The following ABCA12 variants were observed in gnomAD, a reference collection of about 807,000 sequenced individuals.
The protein encoded by ABCA12 is glucosylceramide transporter ABCA12.
Under a neutral mutation model 293.5 loss-of-function variants are expected in ABCA12, and 156 were observed. That is an observed-to-expected ratio of 0.53 (90% CI 0.47 to 0.61). The LOEUF is 0.61. Ranked by LOEUF, ABCA12 falls within the 20% of genes least tolerant of loss-of-function variation. The pLI, the probability that ABCA12 is intolerant of heterozygous loss-of-function variation, is 0.00. For synonymous variants in ABCA12, 1,063 were observed against 1,108.0 expected, an observed-to-expected ratio of 0.96 and a Z score of 0.81; for missense variants, 2,797 against 3,090.2, an observed-to-expected ratio of 0.91 and a Z score of 2.25.
rs1244615706 is a variant in ABCA12, at chr2:214,980,544, G to A, written c.4679C>T (p.Ser1560Phe). The A allele has an allele frequency of 1.6e-5, 26 of 1,613,850 alleles. No individual in the cohort carries two copies. The highest frequency in any genetic ancestry group is 2.0e-5 in the Non-Finnish European group (24 of 1,179,984). ...LEQGGLRCCG[S>F]PFYLKEAFGD... ...AAAGGCTTCCTTGAGGTAAAATGGG[G>A]ACCCACAGCACCTAAGCCCACCCTG... Residue 1560 changes from serine (S) to phenylalanine (F), a missense_variant, in exon 31 of 53, where the codon TCC becomes TTC. By Grantham distance (155) the Ser-to-Phe change is radical. Transcript: ENST00000272895.
chr2:214,936,256 C>T (rs983461558), intron 51 of ABCA12, among the ~76,000 whole-genome samples: 5 of 152,182 alleles, frequency 3.3e-5, no homozygotes, highest in African/African-American at 1.2e-4. Flanking sequence ...AGCTACCTGC[C>T]TGTTTCTGTA....
At position 215,111,668 on chromosome 2, in the gene ABCA12, A is replaced by G; in HGVS notation, c.92T>C (p.Leu31Ser). The stretch of plus-strand genomic sequence containing the variant: ...AATTATGAAAATAATGACTGGCCAT[A>G]AGATCAAGACAAGTGTCCAAAGCTG... ...RQPLWTLVLILWPVIIFIILA... is the reference protein window; with the variant it reads ...RQPLWTLVLISWPVIIFIILA... Residue 31 changes from leucine (L) to serine (S), a missense_variant, in exon 2 of 53, where the codon TTA becomes TCA. Leu to Ser is a moderately radical substitution (Grantham distance 145, BLOSUM62 -2). This residue lies in a region of ABCA12 where 656 missense variants were observed against 638.2 expected (regional missense o/e 1.03). Coordinates refer to ENST00000272895, the MANE Select transcript of ABCA12 (RefSeq NM_173076.3). The G allele has an allele frequency of 1.9e-6, 3 of 1,613,502 alleles. No homozygotes were observed. Among genetic ancestry groups the G allele is most frequent in the Non-Finnish European group, 2.5e-6 (3 of 1,179,646 alleles).
At chr2:215,048,774 T>C (rs1701258368) in intron 6 of ABCA12, among the ~76,000 whole-genome samples, 3 of 152,172 alleles carry the variant, frequency 2.0e-5, no homozygotes, top group South Asian at 4.1e-4. Flanking sequence ...CAATGGCAGA[T>C]TGGATGAAGA....
chr2:215,123,595 G>A (rs1702854589), intron 1 of ABCA12, among the ~76,000 whole-genome samples: 1 of 152,184 alleles, frequency 6.6e-6, no homozygotes. Flanking sequence ...ATACACAGTA[G>A]TGAGATTGCT....
intron 8 of ABCA12, among the ~76,000 whole-genome samples, chr2:215,033,218 A>T (rs1700916961): frequency 6.6e-6 from 1 of 152,232 alleles, no homozygotes; most frequent in Admixed American, 6.5e-5. Context: ...CCTAATTAAC[A>T]ATAGTAATAC....
Position 215,138,521 on chromosome 2 carries a change from T to C in ABCA12, c.-313A>G, listed in dbSNP as rs1261068964. 2 of 368,478 alleles carry C rather than the reference T, an allele frequency of 5.4e-6. No homozygotes were observed. The highest frequency in any genetic ancestry group is 1.0e-5 in the Non-Finnish European group (2 of 194,444). The allele number at this position is 368,478 out of a possible 1,614,324, so 22.8% of individuals were successfully genotyped here. A position where few individuals can be genotyped will look rare whatever the true frequency, so the allele number is the denominator to read the frequency against. ...GCTGCTTGTTGCACGAAGTCCAGACTCAAGAGAGAATGAGCATCATTCAGA... is the reference window on the plus strand; with the variant it reads ...GCTGCTTGTTGCACGAAGTCCAGACCCAAGAGAGAATGAGCATCATTCAGA... On this transcript the variant is annotated 5_prime_UTR_variant, in exon 1 of 53. An upstream open reading frame in the 5' UTR loses its in-frame stop. Transcript: ENST00000272895.
intron 1 of ABCA12, among the ~76,000 whole-genome samples, chr2:215,127,649 C>A (rs1559209761): frequency 6.6e-6 from 1 of 152,066 alleles, no homozygotes; most frequent in Admixed American, 6.6e-5. Flanking sequence ...CATGAAATGC[C>A]TTTTTCCACC....
At chr2:214,969,577 A>G (rs1253909150) in intron 37 of ABCA12, among the ~76,000 whole-genome samples, 1 of 152,134 alleles carries the variant, frequency 6.6e-6, no homozygotes, top group Admixed American at 6.6e-5. Flanking sequence ...AATAAAACCC[A>G]TTTTGTTAAA....
chr2:215,024,313 C>A (rs1026745902), intron 11 of ABCA12, among the ~76,000 whole-genome samples: 5 of 152,092 alleles, frequency 3.3e-5, no homozygotes, highest in African/African-American at 7.2e-5. Flanking sequence ...ACAATAAGCA[C>A]TTTGGGGTAA....
rs140216065 is a variant in ABCA12, at chr2:215,079,646, T to C, written c.164-15427A>G. ...CCCCTCTTGTTTTGTTTCACTCAGG[T>C]CAAAATGAGCTGCCAGCTTTTGCTT... On this transcript the variant is annotated intron_variant, in intron 2 of 52. Coordinates refer to ENST00000272895, the MANE Select transcript of ABCA12 (RefSeq NM_173076.3). Among the ~76,000 whole-genome samples the C allele has an allele frequency of 5.9e-3, 900 of 152,300 alleles. 7 individuals are homozygous for C. Among genetic ancestry groups the C allele is most frequent in the African/African-American group, 0.02 (819 of 41,564 alleles).
At chr2:215,036,077 G>C (rs552312586) in intron 8 of ABCA12, among the ~76,000 whole-genome samples, 1 of 151,960 alleles carries the variant, frequency 6.6e-6, no homozygotes, top group Non-Finnish European at 1.5e-5. Context: ...TGGACGTCAA[G>C]ACCATCAAAT....
chr2:214,979,393 C>G (rs1013206776), intron 31 of ABCA12, among the ~76,000 whole-genome samples: 1 of 152,110 alleles, frequency 6.6e-6, no homozygotes, highest in Non-Finnish European at 1.5e-5. Context: ...ATTCTCTCAC[C>G]ACCTCCAACT....
rs528654475 is a variant in ABCA12 at position 215,033,747 on chromosome 2, C to T, written c.986-1851G>A. Reference sequence around the variant, plus strand: ...ACGAGGTCAGGAGATCGAGATCATCCTGGCTAACACGGTGACACCCCGTCT... The same window carrying T: ...ACGAGGTCAGGAGATCGAGATCATCTTGGCTAACACGGTGACACCCCGTCT... On this transcript the variant is annotated intron_variant, in intron 8 of 52. Transcript: ENST00000272895. Among the ~76,000 whole-genome samples, 3 of 152,118 alleles carry T rather than the reference C, an allele frequency of 2.0e-5. 1 individual carries two copies. The South Asian group carries it at 6.2e-4, about 32-fold the overall frequency.
intron 17 of ABCA12, among the ~76,000 whole-genome samples, chr2:215,010,910 T>G (rs531914246): frequency 2.0e-5 from 3 of 152,196 alleles, no homozygotes; most frequent in Admixed American, 1.3e-4. Context: ...ATATATTATT[T>G]GAATGAGCTC....
At chr2:215,057,462 CG>C (rs1701442148) in intron 3 of ABCA12, among the ~76,000 whole-genome samples, 1 of 151,922 alleles carries the variant, frequency 6.6e-6, no homozygotes. Flanking sequence ...TCAAAAGCTC[CG>C]GATACCAAAT....
chr2:214,935,798 T>TA (rs76385248), intron 51 of ABCA12, among the ~76,000 whole-genome samples: 2 of 152,174 alleles, frequency 1.3e-5, no homozygotes, highest in Non-Finnish European at 2.9e-5. Flanking sequence ...CTCTGTGTCT[T>TA]AAAAAAAATT....
intron 23 of ABCA12, among the ~76,000 whole-genome samples, chr2:214,991,820 T>C (rs1337357855): frequency 6.6e-6 from 1 of 152,150 alleles, no homozygotes; most frequent in East Asian, 1.9e-4. Flanking sequence ...ATTTGTGCAT[T>C]AACTCAAAAG....
At chr2:215,030,821 AAAC>A (rs1248835569) in intron 9 of ABCA12, among the ~76,000 whole-genome samples, 1 of 152,214 alleles carries the variant, frequency 6.6e-6, no homozygotes, top group Non-Finnish European at 1.5e-5. Flanking sequence ...GAAAGTTTGT[AAAC>A]AACTATGTAC....
chr2:214,990,676 C>T lies in ABCA12; in HGVS notation c.3624+26G>A, dbSNP rs751793079. The T allele has an allele frequency of 5.0e-6, 8 of 1,609,408 alleles. No individual in the cohort carries two copies. In the African/African-American group the frequency reaches 8.0e-5, roughly 16 times the overall value. On this transcript the variant is annotated intron_variant, in intron 24 of 52. Coordinates refer to ENST00000272895, the MANE Select transcript of ABCA12 (RefSeq NM_173076.3). ...ACAAACAAAAATGGGTAATTTCCCA[C>T]TCTGCCATTCCAACGGTTGACTTAC...
Sources: allele counts gnomAD v4.1 joint callset (sites outside exome capture counted in the v4.1 genomes callset), GRCh38; gene constraint gnomAD v4.1.1; regional missense constraint gnomAD v4.1.1; transcripts MANE v1.5; gene names NCBI Gene and HGNC (gene_info 2026-07-23, HGNC 2026-07-21).